GFRA1: variants seen among roughly 807,000 people sequenced by gnomAD.
GFRA1 encodes GDNF family receptor alpha 1, also known as GDNF family receptor alpha-1.
In GFRA1, 16 loss-of-function variants were observed where a neutral mutation model predicts 51.6. That is an observed-to-expected ratio of 0.31 (90% confidence interval 0.21 to 0.47). The LOEUF is 0.47. GFRA1 is among the 20% of genes least tolerant of loss of function. GFRA1 has a pLI of 1.00. For synonymous variants in GFRA1, 270 were observed against 241.3 expected (o/e 1.12, Z -1.10); for missense variants, 530 against 594.3 (o/e 0.89, Z 1.13).
intron 5 of GFRA1, among the ~76,000 whole-genome samples, chr10:116,163,427 A>G (rs896619534): frequency 6.6e-6 from 1 of 152,232 alleles, no homozygotes; most frequent in Non-Finnish European, 1.5e-5. Context: ...CAATTTATTC[A>G]CAGACTCAGA....
chr10:116,199,551 C>T (rs372201897), intron 5 of GFRA1, among the ~76,000 whole-genome samples: 5 of 152,216 alleles, frequency 3.3e-5, no homozygotes, highest in African/African-American at 1.2e-4. Context: ...TCTATACTTG[C>T]TTTACCACAA....
chr10:116,145,216 A>T (rs1012970424), intron 5 of GFRA1, among the ~76,000 whole-genome samples: 1 of 151,686 alleles, frequency 6.6e-6, no homozygotes, highest in African/African-American at 2.4e-5. Context: ...TCTAAAGACA[A>T]AGTAAAAAGA....
intron 5 of GFRA1, among the ~76,000 whole-genome samples, chr10:116,173,399 G>A (rs1961238359): frequency 6.6e-6 from 1 of 152,138 alleles, no homozygotes; most frequent in Non-Finnish European, 1.5e-5. Context: ...AGACAATGAG[G>A]CACCAAGGGT....
Position 116,057,114 on chromosome 10 carries a change from A to C in GFRA1, c.*7284T>G, listed in dbSNP as rs1313073616. The C allele has an allele frequency of 1.3e-5, 2 of 152,218 alleles. No individual in the cohort carries two copies. The highest frequency in any genetic ancestry group is 2.9e-5 in the Non-Finnish European group (2 of 68,038). 9.4% of individuals were successfully genotyped at this position (152,218 alleles called of 1,614,324 possible). A position where few individuals can be genotyped will look rare whatever the true frequency, so the allele number is the denominator to read the frequency against. On this transcript the variant is annotated 3_prime_UTR_variant, in exon 11 of 11. Coordinates refer to ENST00000355422, the MANE Select transcript of GFRA1 (RefSeq NM_005264.8). ...GAGATGTTCTTCCAAGGGTGTTGGC[A>C]ATAAAGGCTGTTGCAAAACAGCTAT...
chr10:116,080,538 T>G (rs1337110749), intron 9 of GFRA1, among the ~76,000 whole-genome samples: 2 of 152,228 alleles, frequency 1.3e-5, no homozygotes, highest in Non-Finnish European at 2.9e-5. Flanking sequence ...GGTGCATCTC[T>G]AGAATTAAAA....
intron 4 of GFRA1, among the ~76,000 whole-genome samples, chr10:116,244,281 CT>C: frequency 6.9e-6 from 1 of 144,174 alleles, no homozygotes; most frequent in South Asian, 2.2e-4. Flanking sequence ...ACTATAGAAA[CT>C]TATCTCATCA....
chr10:116,075,271 CTA>C (rs1565555645), intron 9 of GFRA1, among the ~76,000 whole-genome samples: 1 of 152,080 alleles, frequency 6.6e-6, no homozygotes, highest in African/African-American at 2.4e-5. Flanking sequence ...AACAATTGGT[CTA>C]TTTTTGCAAG....
At chr10:116,274,562 T>C (rs1187806274), upstream of GFRA1, among the ~76,000 whole-genome samples, 3 of 152,102 alleles carry the variant, frequency 2.0e-5, no homozygotes, top group Non-Finnish European at 4.4e-5. Flanking sequence ...GCCCCTCGGC[T>C]GCAGCGGCTG....
chr10:116,089,852 G>T lies in GFRA1; in HGVS notation c.1086C>A (p.Thr362=). The T allele has an allele frequency of 6.2e-7, 1 of 1,613,992 alleles. No homozygotes were observed. The change falls in exon 9 of 11, where the codon ACC becomes ACA. Residue 362 remains threonine, a synonymous_variant. Transcript: ENST00000355422. The part of the protein sequence containing the change: ...TVWQPAFPVQ[T]TTATTTTALR... ...GGGCAGTGGTGGTAGTGGCAGTGGT[G>T]GTCTGTACTGGGAAGGCTGGCTGCC...
intron 9 of GFRA1, among the ~76,000 whole-genome samples, chr10:116,078,492 G>C (rs1036057536): frequency 1.6e-4 from 25 of 152,074 alleles, no homozygotes; most frequent in Non-Finnish European, 8.8e-5. Flanking sequence ...CTGGTCCAGA[G>C]CTCTGTGATA....
chr10:116,087,194 T>C (rs1328252828), intron 9 of GFRA1, among the ~76,000 whole-genome samples: 5 of 152,032 alleles, frequency 3.3e-5, no homozygotes, highest in African/African-American at 1.2e-4. Context: ...CAGGGAAAGG[T>C]GTTTGGACAG....
At chr10:116,206,099 G>T (rs1267521579) in intron 5 of GFRA1, among the ~76,000 whole-genome samples, 1 of 152,012 alleles carries the variant, frequency 6.6e-6, no homozygotes, top group Non-Finnish European at 1.5e-5. Context: ...GTGTGACTGG[G>T]GAGCCAACCA....
intron 5 of GFRA1, among the ~76,000 whole-genome samples, chr10:116,132,991 T>C (rs1312736752): frequency 6.6e-6 from 1 of 152,132 alleles, no homozygotes; most frequent in Non-Finnish European, 1.5e-5. Flanking sequence ...ACAGCTCATT[T>C]TAGAGCTCAG....
chr10:116,194,752 C>T (rs1010641543), intron 5 of GFRA1, among the ~76,000 whole-genome samples: 1 of 152,130 alleles, frequency 6.6e-6, no homozygotes, highest in African/African-American at 2.4e-5. Flanking sequence ...CATTTAGGAG[C>T]ATCTTTGCGC....
chr10:116,111,547 C>T (rs1031006375), intron 6 of GFRA1, among the ~76,000 whole-genome samples: 2 of 152,172 alleles, frequency 1.3e-5, no homozygotes, highest in Non-Finnish European at 2.9e-5. Context: ...ACCTGGGCTG[C>T]CAGCCCACAC....
chr10:116,093,581 A>G (rs1956444064), intron 8 of GFRA1, 121 bp downstream of exon 8: 3 of 850,546 alleles, frequency 3.5e-6, no homozygotes, highest in Admixed American at 3.7e-5. Context: ...AAGCAGGCAC[A>G]AGGTACAAGA....
At chr10:116,163,933 C>T (rs1052305329) in intron 5 of GFRA1, among the ~76,000 whole-genome samples, 5 of 152,310 alleles carry the variant, frequency 3.3e-5, no homozygotes, top group East Asian at 1.9e-4. Flanking sequence ...CCAGATCTTG[C>T]GCAATGTCAG....
chr10:116,096,769 A>G lies in GFRA1; in HGVS notation c.771-5T>C. The stretch of plus-strand genomic sequence containing the variant: ...AAAAAATCCGCAAGGCGAGATCTAC[A>G]ATAGGAAAAAAGGGGTGGGGGGTGG... On this transcript the variant is annotated splice_polypyrimidine_tract_variant and splice_region_variant and intron_variant, in intron 6 of 10. Coordinates refer to ENST00000355422, the MANE Select transcript of GFRA1 (RefSeq NM_005264.8). The G allele has an allele frequency of 6.5e-7, 1 of 1,541,616 alleles. No homozygotes were observed. Among genetic ancestry groups the G allele is most frequent in the African/African-American group, 1.4e-5 (1 of 73,592 alleles).
intron 6 of GFRA1, 21 bp from the exon 7 acceptor site, chr10:116,096,785 TG>T (rs747958591): frequency 3.0e-5 from 40 of 1,340,744 alleles, no homozygotes; most frequent in South Asian, 2.4e-4. Flanking sequence ...AAAAAAGGGG[TG>T]GGGGGTGGAA....
Sources: gnomAD v4.1 joint callset for allele counts (sites outside exome capture counted in the v4.1 genomes callset) on GRCh38, gnomAD v4.1.1 for gene constraint, MANE v1.5 for transcripts, NCBI Gene and HGNC (gene_info 2026-07-23, HGNC 2026-07-21) for gene names.